The following NPM1 variants were observed in gnomAD, a reference collection of about 807,000 sequenced individuals.
The protein encoded by NPM1 is nucleophosmin.
A neutral mutation model predicts 44.1 loss-of-function variants in NPM1; 1 was observed. The observed-to-expected ratio is 0.02, with a 90% CI of 0.01 to 0.11. The LOEUF is 0.11. Ranked by LOEUF, NPM1 falls within the 10% of genes least tolerant of loss-of-function variation. The probability of loss-of-function intolerance (pLI) is 1.00; values close to 1 mark genes in which losing one functional copy is unlikely to be tolerated. For synonymous variants in NPM1, 126 were observed against 111.8 expected (o/e 1.13, Z -0.80); for missense variants, 197 against 347.8 (o/e 0.57, Z 3.45).
chr5:171,387,264 T>C (rs1463854458), upstream of NPM1: 1 of 152,442 alleles, frequency 6.6e-6, no homozygotes, highest in Non-Finnish European at 1.5e-5. Flanking sequence ...ACATCTTTCC[T>C]TCCTAACAAA....
intron 4 of NPM1, among the ~76,000 whole-genome samples, chr5:171,392,173 T>C (rs1314358174): frequency 6.6e-6 from 1 of 152,150 alleles, no homozygotes; most frequent in Non-Finnish European, 1.5e-5. Context: ...CTCCTGGCCT[T>C]AACGTGATCT....
chr5:171,407,656 G>A lies in NPM1; in HGVS notation c.772-44G>A, dbSNP rs772993901. 6 of 1,063,748 alleles carry A rather than the reference G, an allele frequency of 5.6e-6. No homozygotes were observed. In the Admixed American group the frequency reaches 1.0e-4, roughly 18 times the overall value. The allele number at this position is 1,063,748 out of a possible 1,614,324, so 65.9% of individuals were successfully genotyped here. ...GAATTTTCTAAAGGTATCTCTCTCGGTGTATTTCTCTACTTACCTGTAATA... is the reference window on the plus strand; with the variant it reads ...GAATTTTCTAAAGGTATCTCTCTCGATGTATTTCTCTACTTACCTGTAATA... On this transcript the variant is annotated intron_variant, in intron 9 of 10. Transcript: ENST00000296930.
Position 171,400,268 on chromosome 5 carries a change from A to C in NPM1, c.582+58A>C, listed in dbSNP as rs1474986572. The C allele has an allele frequency of 1.9e-6, 3 of 1,589,204 alleles. No homozygotes were observed. In the Admixed American group the frequency reaches 5.3e-5, roughly 28 times the overall value. Reference sequence around the variant, plus strand: ...CTAACAATAGAAATGGTGATTTTTTAGTGCTATTTGCTTGTTTTGTAGTTA... The same window carrying C: ...CTAACAATAGAAATGGTGATTTTTTCGTGCTATTTGCTTGTTTTGTAGTTA... On this transcript the variant is annotated intron_variant, in intron 7 of 10. Transcript: ENST00000296930.
intron 1 of NPM1, among the ~76,000 whole-genome samples, chr5:171,389,267 A>G (rs1286604279): frequency 1.3e-5 from 2 of 152,204 alleles, no homozygotes; most frequent in Non-Finnish European, 2.9e-5. Flanking sequence ...TTGTTAATTA[A>G]ACGTCTGTTC....
intron 9 of NPM1, chr5:171,406,468 AAT>A (rs1017868545): frequency 1.2e-4 from 187 of 1,608,842 alleles, no homozygotes; most frequent in Non-Finnish European, 1.5e-4. Flanking sequence ...AGGAGAGACA[AAT>A]ATAGTCCATA....
At chr5:171,396,658 C>A (rs1479753830) in intron 6 of NPM1, among the ~76,000 whole-genome samples, 1 of 152,214 alleles carries the variant, frequency 6.6e-6, no homozygotes, top group Non-Finnish European at 1.5e-5. Flanking sequence ...TTCTGCCTGA[C>A]TTGCCCTCCA....
At chr5:171,408,427 A>T (rs1393539079) in intron 10 of NPM1, among the ~76,000 whole-genome samples, 1 of 152,180 alleles carries the variant, frequency 6.6e-6, no homozygotes, top group African/African-American at 2.4e-5. Context: ...GCTGCATTTA[A>T]TGGTCTTTAG....
intron 8 of NPM1, among the ~76,000 whole-genome samples, 163 bp downstream of exon 8, chr5:171,401,088 C>A (rs1213037948): frequency 1.3e-5 from 2 of 152,000 alleles, no homozygotes; most frequent in Non-Finnish European, 2.9e-5. Context: ...CTCAGTGGCT[C>A]ACTCCTGTAA....
chr5:171,390,095 A>G lies in NPM1; in HGVS notation c.103A>G (p.Asn35Asp). 3.8e-6 allele frequency: 6 copies of G among 1,578,846 alleles called. No homozygotes were observed. Among genetic ancestry groups the G allele is most frequent in the Non-Finnish European group, 5.1e-6 (6 of 1,165,896 alleles). ...CAAAGATTATCACTTTAAGGTGGAT[A>G]ATGATGAAAATGAGCACCAGTTATC... ...ADKDYHFKVD[N>D]DENEHQLSLR... The change falls in exon 2 of 11, where the codon AAT becomes GAT. Residue 35 changes from asparagine (N) to aspartate (D), a missense_variant. Transcript: ENST00000296930.
At chr5:171,399,109 A>T (rs1401270184) in intron 6 of NPM1, among the ~76,000 whole-genome samples, 1 of 152,130 alleles carries the variant, frequency 6.6e-6, no homozygotes, top group Non-Finnish European at 1.5e-5. Flanking sequence ...TCGGCCTCCT[A>T]AAAAGTGCCG....
rs1581234834 is a variant in NPM1, at chr5:171,388,269, A to G, written c.58+263A>G. On this transcript the variant is annotated intron_variant, in intron 1 of 10. Coordinates refer to ENST00000296930, the MANE Select transcript of NPM1 (RefSeq NM_002520.7). ...GGTCCGAGGCCCGGGGCCTGAGGTA[A>G]AGTGGAACCGGCCGCCTGGAAGTTC... Among the ~76,000 whole-genome samples, 7 of 152,214 alleles carry G rather than the reference A, an allele frequency of 4.6e-5. 1 individual carries two copies. The highest frequency in any genetic ancestry group is 1.2e-4 in the African/African-American group (5 of 41,536).
upstream of NPM1, chr5:171,387,227 A>G (rs1770255922): frequency 6.6e-6 from 1 of 152,236 alleles, no homozygotes. Context: ...GCTGAAAAAC[A>G]AAGTTCCGTA....
chr5:171,391,640 T>G, intron 3 of NPM1, 66 bp from the exon 4 acceptor site: 1 of 1,229,612 alleles, frequency 8.1e-7, no homozygotes, highest in South Asian at 1.2e-5. Flanking sequence ...GGCTTATGTG[T>G]TTGCCTGTAA....
chr5:171,389,793 T>A (rs776568117), intron 1 of NPM1, among the ~76,000 whole-genome samples: 37 of 152,216 alleles, frequency 2.4e-4, no homozygotes, highest in Non-Finnish European at 4.9e-4. Context: ...TGAGCTTGTT[T>A]ATGCAGAATA....
chr5:171,400,793 G>C, intron 7 of NPM1, 46 bp from the exon 8 acceptor site: 1 of 1,284,664 alleles, frequency 7.8e-7, no homozygotes, highest in Non-Finnish European at 1.1e-6. Flanking sequence ...TGTTTGCACT[G>C]TTGTTGGGGT....
intron 6 of NPM1, among the ~76,000 whole-genome samples, chr5:171,397,689 G>GTT (rs1410237511): frequency 6.6e-6 from 1 of 151,956 alleles, no homozygotes; most frequent in African/African-American, 2.4e-5. Flanking sequence ...TAGAGAAGGG[G>GTT]TTTTGCCATG....
intron 9 of NPM1, chr5:171,406,536 T>C: frequency 6.6e-7 from 1 of 1,516,918 alleles, no homozygotes; most frequent in Non-Finnish European, 8.8e-7. Context: ...CAATCCCCTT[T>C]TCTGATTTGC....
intron 8 of NPM1, among the ~76,000 whole-genome samples, chr5:171,401,583 C>T (rs1021262658): frequency 2.6e-5 from 4 of 152,094 alleles, no homozygotes; most frequent in Non-Finnish European, 4.4e-5. Context: ...ACTACATGCG[C>T]GTGCCACCAG....
At chr5:171,391,159 T>C (rs189890174) in intron 2 of NPM1, 146 bp from the exon 3 acceptor site, 2 of 897,258 alleles carry the variant, frequency 2.2e-6, no homozygotes, top group African/African-American at 1.7e-5. Context: ...TTCTTATGAT[T>C]GTACAAAGAT....
Sources: allele counts gnomAD v4.1 joint callset (sites outside exome capture counted in the v4.1 genomes callset), GRCh38; gene constraint gnomAD v4.1.1; transcripts MANE v1.5; gene names NCBI Gene and HGNC (gene_info 2026-07-23, HGNC 2026-07-21).